Variants in AGPS observed in about 807,000 individuals in gnomAD.
AGPS encodes the protein alkylglycerone phosphate synthase.
AGPS carries 26 observed loss-of-function variants against 90.7 expected under a neutral mutation model. The ratio of observed to expected loss-of-function variants is 0.29; its 90% CI spans 0.21 to 0.40. The LOEUF (loss-of-function observed/expected upper bound fraction) is 0.40. Ranked by LOEUF, AGPS falls within the 10% of genes least tolerant of loss-of-function variation. The probability of loss-of-function intolerance (pLI) is 1.00; values close to 1 mark genes in which losing one functional copy is unlikely to be tolerated. For synonymous variants in AGPS, 294 were observed against 285.3 expected (o/e 1.03, Z -0.31); for missense variants, 540 against 816.1 (o/e 0.66, Z 4.12).
chr2:177,395,594 C>A (rs1191764995), intron 1 of AGPS, among the ~76,000 whole-genome samples: 1 of 152,192 alleles, frequency 6.6e-6, no homozygotes, highest in Non-Finnish European at 1.5e-5. Context: ...CTTAGCTGGG[C>A]CTGCAGTTGC....
intron 12 of AGPS, among the ~76,000 whole-genome samples, chr2:177,495,294 T>C (rs1688379668): frequency 6.6e-6 from 1 of 152,172 alleles, no homozygotes; most frequent in Non-Finnish European, 1.5e-5. Flanking sequence ...GATGGCATAG[T>C]GCTGATTACA....
chr2:177,535,908 T>A (rs1271409072), intron 19 of AGPS, among the ~76,000 whole-genome samples: 1 of 152,168 alleles, frequency 6.6e-6, no homozygotes, highest in Non-Finnish European at 1.5e-5. Context: ...TGCCCTTTTT[T>A]TTTTTCTACT....
intron 19 of AGPS, among the ~76,000 whole-genome samples, chr2:177,534,492 GAAATT>G (rs1448314025): frequency 6.6e-6 from 1 of 151,968 alleles, no homozygotes; most frequent in Non-Finnish European, 1.5e-5. Context: ...TACATTATTA[GAAATT>G]AAATTGTAAA....
At chr2:177,424,765 A>G (rs1204130057) in intron 2 of AGPS, among the ~76,000 whole-genome samples, 1 of 152,116 alleles carries the variant, frequency 6.6e-6, no homozygotes, top group Non-Finnish European at 1.5e-5. Flanking sequence ...TGGACTTTTT[A>G]ATAATCGCCA....
At chr2:177,477,380 T>TAA (rs754581122) in intron 10 of AGPS, among the ~76,000 whole-genome samples, 2 of 152,108 alleles carry the variant, frequency 1.3e-5, no homozygotes, top group Non-Finnish European at 2.9e-5. Context: ...CCACTATATA[T>TAA]AATTGGCTTT....
chr2:177,467,102 A>C (rs1393514828), intron 9 of AGPS, among the ~76,000 whole-genome samples: 1 of 144,706 alleles, frequency 6.9e-6, no homozygotes, highest in East Asian at 2.0e-4. Flanking sequence ...ATGTCTTTGC[A>C]GCAGCCACTC....
chr2:177,503,991 GTCTCA>G (rs767598483), intron 14 of AGPS, among the ~76,000 whole-genome samples: 6 of 152,162 alleles, frequency 3.9e-5, no homozygotes, highest in Non-Finnish European at 7.4e-5. Context: ...AAGACTTTTT[GTCTCA>G]TCTCGACATA....
chr2:177,421,292 T>C (rs1371247546), intron 2 of AGPS, among the ~76,000 whole-genome samples: 1 of 152,056 alleles, frequency 6.6e-6, no homozygotes, highest in Non-Finnish European at 1.5e-5. Flanking sequence ...ATTCCAGTAT[T>C]GTACCCTGAT....
Position 177,502,732 on chromosome 2 carries a change from A to G in AGPS, c.1476-2774A>G, listed in dbSNP as rs574958197. ...AGGCATGAGCCACTGCGCCTGGCCT[A>G]TTTTAAGTTTTTAATACTTGGAAAT... On this transcript the variant is annotated intron_variant, in intron 14 of 19. Coordinates refer to ENST00000264167, the MANE Select transcript of AGPS (RefSeq NM_003659.4). Among the ~76,000 whole-genome samples, 23 of 152,218 alleles carry G rather than the reference A, an allele frequency of 1.5e-4. No homozygotes were observed. The South Asian group carries it at 4.4e-3, about 29-fold the overall frequency.
chr2:177,504,317 C>CTTTA (rs368383070), intron 14 of AGPS, among the ~76,000 whole-genome samples: 3 of 25,866 alleles, frequency 1.2e-4, no homozygotes, highest in African/African-American at 3.6e-4. Context: ...TGTTTTGAAA[C>CTTTA]TTGGAGGCTT....
At chr2:177,420,852 G>T (rs1426698651) in intron 2 of AGPS, among the ~76,000 whole-genome samples, 1 of 151,746 alleles carries the variant, frequency 6.6e-6, no homozygotes, top group Non-Finnish European at 1.5e-5. Context: ...AATGATTTTA[G>T]GTCTGTGTGA....
chr2:177,510,605 T>G (rs1688842424), intron 16 of AGPS, among the ~76,000 whole-genome samples: 1 of 152,224 alleles, frequency 6.6e-6, no homozygotes. Context: ...TTTCATCTAT[T>G]CTTTATATAT....
At chr2:177,524,172 A>G (rs2079059680) in intron 19 of AGPS, among the ~76,000 whole-genome samples, 1 of 152,218 alleles carries the variant, frequency 6.6e-6, no homozygotes, top group South Asian at 2.1e-4. Context: ...ATCGGAATGT[A>G]GCTGGTCATC....
intron 19 of AGPS, among the ~76,000 whole-genome samples, chr2:177,529,181 C>T (rs2079115598): frequency 1.3e-5 from 2 of 152,024 alleles, no homozygotes; most frequent in Non-Finnish European, 2.9e-5. Context: ...TATATTAGAA[C>T]AGCAGTAGTT....
chr2:177,503,152 C>T (rs948239163), intron 14 of AGPS, among the ~76,000 whole-genome samples: 11 of 152,032 alleles, frequency 7.2e-5, no homozygotes, highest in South Asian at 2.1e-4. Flanking sequence ...TCACTCACAC[C>T]CCAACATAGT....
At chr2:177,400,453 C>T (rs1242582324) in intron 1 of AGPS, among the ~76,000 whole-genome samples, 1 of 152,070 alleles carries the variant, frequency 6.6e-6, no homozygotes, top group African/African-American at 2.4e-5. Context: ...CTTTGGTTCT[C>T]TTAAGCATTT....
intron 17 of AGPS, among the ~76,000 whole-genome samples, chr2:177,518,366 A>G (rs944655088): frequency 6.6e-6 from 1 of 151,922 alleles, no homozygotes; most frequent in Non-Finnish European, 1.5e-5. Flanking sequence ...AACCCGGGAG[A>G]TGGAGGTTGC....
At chr2:177,405,942 A>C (rs1012007057) in intron 1 of AGPS, among the ~76,000 whole-genome samples, 2 of 152,216 alleles carry the variant, frequency 1.3e-5, no homozygotes, top group South Asian at 4.1e-4. Flanking sequence ...CCAACTCAGC[A>C]TTCATGTGTA....
chr2:177,402,076 T>G (rs1460221687), intron 1 of AGPS, among the ~76,000 whole-genome samples: 1 of 152,220 alleles, frequency 6.6e-6, no homozygotes, highest in African/African-American at 2.4e-5. Context: ...AATGGAAAAT[T>G]AAACATAGTA....
Sources: gnomAD v4.1 joint callset for allele counts (sites outside exome capture counted in the v4.1 genomes callset) on GRCh38, gnomAD v4.1.1 for gene constraint, MANE v1.5 for transcripts, NCBI Gene and HGNC (gene_info 2026-07-23, HGNC 2026-07-21) for gene names.